The following CLEC16A variants were observed in gnomAD, a reference collection of about 807,000 sequenced individuals.
CLEC16A encodes C-type lectin domain containing 16A.
A neutral mutation model predicts 109.5 loss-of-function variants in CLEC16A; 51 were observed. That is an observed-to-expected ratio of 0.47 (90% CI 0.37 to 0.59). The LOEUF (loss-of-function observed/expected upper bound fraction) is 0.59. Among genes scored for constraint, CLEC16A ranks in the 20% least tolerant of loss-of-function variants. The pLI, the probability that CLEC16A is intolerant of heterozygous loss-of-function variation, is 0.00. For synonymous variants in CLEC16A, 673 were observed against 564.2 expected, an observed-to-expected ratio of 1.19 and a Z score of -2.73; for missense variants, 1,339 against 1,394.0, an observed-to-expected ratio of 0.96 and a Z score of 0.63.
At chr16:11,055,170 C>T (rs906206540) in intron 18 of CLEC16A, among the ~76,000 whole-genome samples, 1 of 152,158 alleles carries the variant, frequency 6.6e-6, no homozygotes, top group African/African-American at 2.4e-5. Context: ...CCTTCTGGAC[C>T]GCTCTTTTTA....
intron 4 of CLEC16A, 48 bp downstream of exon 4, chr16:10,969,357 CT>C (rs759478746): frequency 0.25 from 243,219 of 976,302 alleles, 405 homozygotes; most frequent in Middle Eastern, 0.29. Context: ...CCACACGTGG[CT>C]TTTTTTTTTT....
At chr16:11,158,082 G>C (rs956027741) in intron 22 of CLEC16A, among the ~76,000 whole-genome samples, 2 of 152,174 alleles carry the variant, frequency 1.3e-5, no homozygotes, top group Non-Finnish European at 2.9e-5. Flanking sequence ...GCTGCACTGG[G>C]AGGTGAAAGG....
At chr16:11,033,599 G>T (rs1300057985) in intron 13 of CLEC16A, among the ~76,000 whole-genome samples, 2 of 152,164 alleles carry the variant, frequency 1.3e-5, no homozygotes, top group African/African-American at 2.4e-5. Flanking sequence ...TGATCAGGCT[G>T]CACTTGACCT....
intron 1 of CLEC16A, among the ~76,000 whole-genome samples, chr16:10,952,173 T>TG (rs1324803570): frequency 6.6e-6 from 1 of 152,192 alleles, no homozygotes; most frequent in Non-Finnish European, 1.5e-5. Flanking sequence ...TTCTCTAAAG[T>TG]GAATGTTACA....
At chr16:11,036,613 A>G (rs1164085822) in intron 13 of CLEC16A, among the ~76,000 whole-genome samples, 1 of 146,048 alleles carries the variant, frequency 6.8e-6, no homozygotes, top group East Asian at 2.0e-4. Context: ...GCAGTGGCGC[A>G]GTCTCAGCCC....
At chr16:11,090,412 C>T (rs1009970235) in intron 19 of CLEC16A, among the ~76,000 whole-genome samples, 1 of 152,086 alleles carries the variant, frequency 6.6e-6, no homozygotes. Flanking sequence ...AGGAAAGGGA[C>T]CATGGACAAC....
rs557755545 is a variant in CLEC16A at position 10,986,197 on chromosome 16, A to G, written c.1071+3206A>G. On this transcript the variant is annotated intron_variant, in intron 10 of 23. Coordinates refer to ENST00000409790, the MANE Select transcript of CLEC16A (RefSeq NM_015226.3). ...AGGCGCCTGCCCCCACACCCGGCTC[A>G]TTTTTTGTATTTTTAGTAGAGACGG... is the stretch of plus-strand genomic sequence containing the variant. 3.3e-5 allele frequency among the ~76,000 whole-genome samples: 5 copies of G among 150,784 alleles called. No individual in the cohort carries two copies. The East Asian group carries it at 9.8e-4, about 29-fold the overall frequency.
At chr16:11,142,562 C>A (rs908624093) in intron 22 of CLEC16A, among the ~76,000 whole-genome samples, 1 of 152,234 alleles carries the variant, frequency 6.6e-6, no homozygotes, top group Non-Finnish European at 1.5e-5. Context: ...CATAATAAGG[C>A]ACTGACCTGC....
At chr16:11,013,184 T>A (rs937401885) in intron 11 of CLEC16A, among the ~76,000 whole-genome samples, 1 of 152,254 alleles carries the variant, frequency 6.6e-6, no homozygotes, top group Non-Finnish European at 1.5e-5. Context: ...TCAGTTTTTT[T>A]CTTTTTATCC....
intron 19 of CLEC16A, among the ~76,000 whole-genome samples, chr16:11,105,880 G>A (rs2051190678): frequency 6.6e-6 from 1 of 152,182 alleles, no homozygotes. Flanking sequence ...TTGATACAGT[G>A]TCCTCAGTGG....
chr16:11,060,752 G>A (rs920735990), intron 18 of CLEC16A, 150 bp from the exon 19 acceptor site: 54 of 701,102 alleles, frequency 7.7e-5, no homozygotes, highest in Non-Finnish European at 9.5e-5. Context: ...ATAAAAGCAC[G>A]TACCAGAATC....
intron 22 of CLEC16A, among the ~76,000 whole-genome samples, chr16:11,137,305 G>A (rs1051713137): frequency 3.9e-5 from 6 of 151,920 alleles, no homozygotes; most frequent in African/African-American, 1.5e-4. Flanking sequence ...ACCGAGAAAC[G>A]AAAAATTCCT....
At chr16:11,162,196 A>G (rs2054746221) in intron 22 of CLEC16A, among the ~76,000 whole-genome samples, 1 of 152,086 alleles carries the variant, frequency 6.6e-6, no homozygotes, top group South Asian at 2.1e-4. Context: ...CAACAGGAAG[A>G]CTCTGGGCTG....
intron 15 of CLEC16A, 42 bp downstream of exon 15, chr16:11,042,405 A>G: frequency 6.9e-7 from 1 of 1,451,602 alleles, no homozygotes. Context: ...GCCAAGGGAG[A>G]GGGACAGGAG....
chr16:10,971,351 G>A, intron 5 of CLEC16A, 121 bp downstream of exon 5: 3 of 823,042 alleles, frequency 3.6e-6, no homozygotes, highest in Non-Finnish European at 5.6e-6. Flanking sequence ...GATGAGCCGT[G>A]GCAGCTTCTC....
intron 3 of CLEC16A, among the ~76,000 whole-genome samples, chr16:10,963,558 G>A (rs895713273): frequency 1.3e-5 from 2 of 152,218 alleles, no homozygotes; most frequent in Non-Finnish European, 2.9e-5. Context: ...CCAGAGGGCA[G>A]GCAAGGGTGT....
intron 12 of CLEC16A, among the ~76,000 whole-genome samples, chr16:11,023,065 G>T (rs2046211663): frequency 6.7e-6 from 1 of 149,176 alleles, no homozygotes; most frequent in Non-Finnish European, 1.5e-5. Flanking sequence ...TTCAGAATCA[G>T]GGGGACTACC....
intron 11 of CLEC16A, among the ~76,000 whole-genome samples, 152 bp from the exon 12 acceptor site, chr16:11,020,041 G>A (rs539450640): frequency 1.3e-5 from 2 of 152,344 alleles, no homozygotes; most frequent in African/African-American, 4.8e-5. Context: ...TTCCACCCCA[G>A]TGTGTCTCTG....
At chr16:10,981,236 G>A (rs928155142) in intron 9 of CLEC16A, among the ~76,000 whole-genome samples, 3 of 152,240 alleles carry the variant, frequency 2.0e-5, no homozygotes, top group Admixed American at 6.5e-5. Flanking sequence ...TTCAAGGTAC[G>A]TAACGGATAT....
Sources: allele counts gnomAD v4.1 joint callset (sites outside exome capture counted in the v4.1 genomes callset), GRCh38; gene constraint gnomAD v4.1.1; transcripts MANE v1.5; gene names NCBI Gene and HGNC (gene_info 2026-07-23, HGNC 2026-07-21).